PRKN: variants seen among roughly 807,000 people sequenced by gnomAD.
PRKN encodes E3 ubiquitin-protein ligase parkin.
PRKN carries 56 observed loss-of-function variants against 59.5 expected under a neutral mutation model. The ratio of observed to expected loss-of-function variants is 0.94; its 90% CI spans 0.76 to 1.18. PRKN has a LOEUF of 1.18. Among genes scored for constraint, PRKN ranks in the 50% most tolerant of loss-of-function variants. The pLI is 0.00. For missense variants in PRKN, 657 were observed against 596.4 expected (o/e 1.10, Z -1.06); for synonymous variants, 250 against 222.1 (o/e 1.13, Z -1.12).
intron 6 of PRKN, among the ~76,000 whole-genome samples, chr6:161,802,460 AT>A (rs1791125963): frequency 6.7e-6 from 1 of 149,884 alleles, no homozygotes; most frequent in African/African-American, 2.5e-5. Context: ...CACCCCACAT[AT>A]GACCCACACA....
intron 1 of PRKN, among the ~76,000 whole-genome samples, chr6:162,574,709 C>T (rs1289178631): frequency 6.6e-6 from 1 of 151,520 alleles, no homozygotes; most frequent in East Asian, 1.9e-4. Flanking sequence ...TAATTTATTC[C>T]TCTATCAATA....
At chr6:162,388,145 G>C (rs572329932) in intron 2 of PRKN, among the ~76,000 whole-genome samples, 1 of 152,252 alleles carries the variant, frequency 6.6e-6, no homozygotes, top group African/African-American at 2.4e-5. Context: ...CTTCGGGCTG[G>C]CCCTGGGGAC....
chr6:161,618,616 G>A (rs957059542), intron 7 of PRKN, among the ~76,000 whole-genome samples: 2 of 151,998 alleles, frequency 1.3e-5, no homozygotes, highest in Admixed American at 6.6e-5. Flanking sequence ...TTGCACTGCC[G>A]CATAAAAATG....
intron 7 of PRKN, among the ~76,000 whole-genome samples, chr6:161,709,523 G>A (rs539625750): frequency 6.6e-6 from 1 of 152,206 alleles, no homozygotes. Flanking sequence ...TAACCTCTAG[G>A]AGTACAATTC....
chr6:161,570,129 A>T lies in PRKN; in HGVS notation c.872-713T>A, dbSNP rs1272397628. ...AAACAAAGTAAGTAAATAGGTAAAA[A>T]AAAAAAAAAAAAAAAAAATATATAT... On this transcript the variant is annotated intron_variant, in intron 7 of 11. Transcript: ENST00000366898. 5.8e-5 allele frequency among the ~76,000 whole-genome samples: 7 copies of T among 120,248 alleles called. No individual in the cohort carries two copies. The East Asian group carries it at 1.5e-3, about 25-fold the overall frequency. 78.9% of individuals were successfully genotyped at this position (120,248 alleles called of 152,430 possible). A position where few individuals can be genotyped will look rare whatever the true frequency, so the allele number is the denominator to read the frequency against.
intron 3 of PRKN, among the ~76,000 whole-genome samples, chr6:162,255,904 A>G (rs1166318739): frequency 6.6e-6 from 1 of 152,184 alleles, no homozygotes; most frequent in African/African-American, 2.4e-5. Flanking sequence ...ATTATCGGCC[A>G]TTTGATTCCC....
At chr6:162,369,096 T>C (rs944172110) in intron 2 of PRKN, among the ~76,000 whole-genome samples, 2 of 152,188 alleles carry the variant, frequency 1.3e-5, no homozygotes, top group East Asian at 3.9e-4. Flanking sequence ...GTTGCAAAGG[T>C]GACATATAGT....
Position 161,421,389 on chromosome 6 carries a change from G to A in PRKN, c.1084-34512C>T, listed in dbSNP as rs189922299. ...GTAGAAAAGTGGTTAGAAGGGAGTT[G>A]GGTATTTGGCAGTTAGGCCTGGAGT... On this transcript the variant is annotated intron_variant, in intron 9 of 11. Coordinates refer to ENST00000366898, the MANE Select transcript of PRKN (RefSeq NM_004562.3). Among the ~76,000 whole-genome samples the A allele has an allele frequency of 5.1e-4, 77 of 152,308 alleles. 1 individual carries two copies. Among genetic ancestry groups the A allele is most frequent in the African/African-American group, 1.7e-3 (72 of 41,552 alleles).
chr6:161,450,766 A>G (rs950758849), intron 9 of PRKN, among the ~76,000 whole-genome samples: 2 of 152,342 alleles, frequency 1.3e-5, no homozygotes, highest in Middle Eastern at 6.8e-3. Flanking sequence ...TGTGTTAGCC[A>G]GGATGGTCTC....
chr6:162,695,733 C>G (rs1777942488), intron 1 of PRKN, among the ~76,000 whole-genome samples: 1 of 152,024 alleles, frequency 6.6e-6, no homozygotes. Context: ...GAAATAATTT[C>G]CAAATCTGAG....
intron 9 of PRKN, among the ~76,000 whole-genome samples, chr6:161,453,966 G>C (rs890663524): frequency 6.6e-6 from 1 of 151,992 alleles, no homozygotes; most frequent in African/African-American, 2.4e-5. Context: ...GGAACTAAAA[G>C]AGCATTACTA....
At chr6:161,653,923 T>C (rs1414857645) in intron 7 of PRKN, among the ~76,000 whole-genome samples, 1 of 152,182 alleles carries the variant, frequency 6.6e-6, no homozygotes, top group African/African-American at 2.4e-5. Context: ...TGGGGTCACA[T>C]TGCCTAGCAC....
chr6:162,505,618 C>G (rs767191979), intron 1 of PRKN, among the ~76,000 whole-genome samples: 14 of 152,052 alleles, frequency 9.2e-5, no homozygotes, highest in Non-Finnish European at 1.3e-4. Context: ...ACAAAAGCAA[C>G]TATACAATAC....
intron 7 of PRKN, among the ~76,000 whole-genome samples, chr6:161,751,529 G>A (rs1215992725): frequency 6.6e-6 from 1 of 152,162 alleles, no homozygotes. Flanking sequence ...GCCTTTAAAA[G>A]TGTGTGAGAA....
At chr6:162,247,544 GA>G (rs1779252047) in intron 3 of PRKN, among the ~76,000 whole-genome samples, 2 of 152,134 alleles carry the variant, frequency 1.3e-5, no homozygotes, top group Middle Eastern at 3.4e-3. Context: ...AATTAAGGGG[GA>G]AAATGATCTC....
At chr6:162,513,664 C>T (rs1777726671) in intron 1 of PRKN, among the ~76,000 whole-genome samples, 2 of 152,072 alleles carry the variant, frequency 1.3e-5, no homozygotes, top group African/African-American at 4.8e-5. Context: ...TGGACATAAA[C>T]CAGACTTAGA....
At position 161,377,934 on chromosome 6, in the gene PRKN, G is replaced by C. The variant is rs536198890; in HGVS notation, c.1167+8860C>G. 1.6e-4 allele frequency among the ~76,000 whole-genome samples: 25 copies of C among 152,238 alleles called. No individual in the cohort carries two copies. The highest frequency in any genetic ancestry group is 5.5e-4 in the African/African-American group (23 of 41,546). On this transcript the variant is annotated intron_variant, in intron 10 of 11. Coordinates refer to ENST00000366898, the MANE Select transcript of PRKN (RefSeq NM_004562.3). This position sits in a 1 kb window ranked among gnomAD's most constrained non-coding sequence, Gnocchi z 4.2. ...AGGAATAAATGTGTGTTGTTTATAA[G>C]CCAGCCAGTCTACGGTATTGAGTGA... is the stretch of plus-strand genomic sequence containing the variant.
chr6:162,542,643 C>T (rs1327976137), intron 1 of PRKN, among the ~76,000 whole-genome samples: 1 of 152,168 alleles, frequency 6.6e-6, no homozygotes, highest in Non-Finnish European at 1.5e-5. Context: ...TAGGCCTGAG[C>T]CCCCAAACCT....
chr6:162,550,852 C>T (rs1455295658), intron 1 of PRKN, among the ~76,000 whole-genome samples: 3 of 152,152 alleles, frequency 2.0e-5, no homozygotes, highest in Admixed American at 1.3e-4. Flanking sequence ...ACGCAGCCCA[C>T]TGGAGTGGCG....
Sources: allele counts gnomAD v4.1 joint callset (sites outside exome capture counted in the v4.1 genomes callset), GRCh38; gene constraint gnomAD v4.1.1; non-coding constraint Gnocchi (gnomAD v3.1); transcripts MANE v1.5; gene names NCBI Gene and HGNC (gene_info 2026-07-23, HGNC 2026-07-21).